Variants in ARHGEF33 observed in about 807,000 individuals in gnomAD.
ARHGEF33 encodes the protein Rho guanine nucleotide exchange factor 33.
A neutral mutation model predicts 101.9 loss-of-function variants in ARHGEF33; 72 were observed. The observed-to-expected ratio is 0.71, with a 90% CI of 0.58 to 0.86. ARHGEF33 has a LOEUF of 0.86. Ranked by LOEUF, ARHGEF33 falls within the 40% of genes least tolerant of loss-of-function variation. ARHGEF33 has a pLI of 0.00. For missense variants in ARHGEF33, 1,169 were observed against 1,111.3 expected (o/e 1.05, Z -0.74); for synonymous variants, 499 against 442.5 (o/e 1.13, Z -1.60).
intron 15 of ARHGEF33, among the ~76,000 whole-genome samples, chr2:38,958,994 C>T (rs1166672431): frequency 6.6e-6 from 1 of 152,270 alleles, no homozygotes; most frequent in Non-Finnish European, 1.5e-5. Flanking sequence ...ATCCGTCTGC[C>T]TCGGCCTCCC....
At chr2:38,932,007 A>G (rs951262057) in intron 7 of ARHGEF33, among the ~76,000 whole-genome samples, 1 of 152,226 alleles carries the variant, frequency 6.6e-6, no homozygotes, top group Non-Finnish European at 1.5e-5. Context: ...GAATGGAACA[A>G]TTAGGTTTAT....
In ARHGEF33 at chr2:38,973,815, A is replaced by G; in HGVS notation, c.2585A>G (p.Asn862Ser). The G allele has an allele frequency of 3.9e-6, 6 of 1,549,042 alleles. No homozygotes were observed. Among genetic ancestry groups the G allele is most frequent in the Non-Finnish European group, 5.2e-6 (6 of 1,146,070 alleles). The part of the protein sequence containing the change: ...DFFRNRLALA[N>S]DLDQGTAV Reference sequence around the variant, plus strand: ...TTCAGAAACCGACTTGCTCTTGCAAATGACCTTGACCAAGGAACAGCTGTG... The same window carrying G: ...TTCAGAAACCGACTTGCTCTTGCAAGTGACCTTGACCAAGGAACAGCTGTG... The change falls in exon 18 of 18, where the codon AAT becomes AGT. Residue 862 changes from asparagine (N) to serine (S), a missense_variant. Asn to Ser is a conservative substitution (Grantham distance 46). Coordinates refer to ENST00000409978, the MANE Select transcript of ARHGEF33 (RefSeq NM_001145451.5).
At chr2:38,905,629 C>T (rs1490290710) in intron 2 of ARHGEF33, among the ~76,000 whole-genome samples, 1 of 152,158 alleles carries the variant, frequency 6.6e-6, no homozygotes, top group Non-Finnish European at 1.5e-5. Context: ...CAGCAGGTGC[C>T]CTGCCTTCCT....
chr2:38,906,938 A>G (rs1244362081), intron 2 of ARHGEF33, among the ~76,000 whole-genome samples: 1 of 152,074 alleles, frequency 6.6e-6, no homozygotes, highest in Non-Finnish European at 1.5e-5. Flanking sequence ...TGACAGAATG[A>G]GACCCCCTGT....
intron 2 of ARHGEF33, among the ~76,000 whole-genome samples, chr2:38,908,008 G>A (rs1666430596): frequency 6.6e-6 from 1 of 151,414 alleles, no homozygotes. Context: ...ACAGGTGCAT[G>A]CCAACATGCC....
chr2:38,941,129 T>C (rs1217004078), intron 9 of ARHGEF33, among the ~76,000 whole-genome samples: 3 of 152,142 alleles, frequency 2.0e-5, no homozygotes, highest in Admixed American at 2.0e-4. Flanking sequence ...CTTAGTGTAA[T>C]TCATAATATG....
chr2:38,960,443 C>G lies in ARHGEF33; in HGVS notation c.2138C>G (p.Pro713Arg). The change falls in exon 16 of 18, where the codon CCG (proline) becomes CGG (arginine). Residue 713 changes from proline to arginine, a missense_variant. Coordinates refer to ENST00000409978, the MANE Select transcript of ARHGEF33 (RefSeq NM_001145451.5). Reference protein sequence around the residue: ...KPLSRSLKEFPRAPPADGVAP... With the variant: ...KPLSRSLKEFRRAPPADGVAP... Reference sequence around the variant, plus strand: ...CTGAGCCGCTCTCTCAAAGAGTTCCCGCGTGCGCCGCCAGCCGACGGCGTG... The same window carrying G: ...CTGAGCCGCTCTCTCAAAGAGTTCCGGCGTGCGCCGCCAGCCGACGGCGTG... The G allele has an allele frequency of 6.7e-7, 1 of 1,496,910 alleles. No homozygotes were observed. Among genetic ancestry groups the G allele is most frequent in the South Asian group, 1.3e-5 (1 of 79,310 alleles). The allele number at this position is 1,496,910 out of a possible 1,614,324, so 92.7% of individuals were successfully genotyped here. A position where few individuals can be genotyped will look rare whatever the true frequency, so the allele number is the denominator to read the frequency against.
intron 2 of ARHGEF33, among the ~76,000 whole-genome samples, chr2:38,899,916 C>T (rs992042981): frequency 2.6e-5 from 4 of 151,954 alleles, no homozygotes; most frequent in Non-Finnish European, 5.9e-5. Context: ...CAGCTGGGCA[C>T]GGTGGGTCAT....
chr2:38,963,963 G>T (rs1226162645), intron 16 of ARHGEF33, among the ~76,000 whole-genome samples: 3 of 152,208 alleles, frequency 2.0e-5, no homozygotes, highest in East Asian at 1.9e-4. Flanking sequence ...CTTTATTTCT[G>T]TTATTATTAC....
intron 10 of ARHGEF33, among the ~76,000 whole-genome samples, chr2:38,946,072 C>T (rs979925824): frequency 6.6e-6 from 1 of 152,176 alleles, no homozygotes; most frequent in African/African-American, 2.4e-5. Flanking sequence ...TCAGTCTTCC[C>T]TCTTGAACAG....
At chr2:38,924,368 A>G (rs1049178547) in intron 4 of ARHGEF33, among the ~76,000 whole-genome samples, 13 of 152,160 alleles carry the variant, frequency 8.5e-5, no homozygotes, top group Admixed American at 1.3e-4. Context: ...AAGTCGTTGA[A>G]TCAGAGCTCT....
chr2:38,946,233 T>C (rs1214717342), intron 10 of ARHGEF33, among the ~76,000 whole-genome samples: 3 of 152,200 alleles, frequency 2.0e-5, no homozygotes, highest in Middle Eastern at 3.2e-3. Context: ...AAGGCCCTTA[T>C]TGACTTGCTG....
chr2:38,952,358 G>A (rs1388324644), intron 11 of ARHGEF33, among the ~76,000 whole-genome samples: 4 of 152,230 alleles, frequency 2.6e-5, no homozygotes, highest in African/African-American at 9.6e-5. Flanking sequence ...AACTTTAGAA[G>A]CTGAGAATGA....
chr2:38,946,456 C>T (rs537937888), intron 10 of ARHGEF33, among the ~76,000 whole-genome samples: 3 of 152,294 alleles, frequency 2.0e-5, no homozygotes, highest in South Asian at 4.1e-4. Context: ...ATGGACCAAG[C>T]AGAGAAAAGC....
At chr2:38,909,452 G>C (rs1017701943) in intron 2 of ARHGEF33, among the ~76,000 whole-genome samples, 1 of 150,938 alleles carries the variant, frequency 6.6e-6, no homozygotes, top group East Asian at 1.9e-4. Flanking sequence ...CTTCCAAGTG[G>C]CTGGAATTAC....
chr2:38,926,073 T>G (rs1353929197), intron 4 of ARHGEF33, among the ~76,000 whole-genome samples: 4 of 152,180 alleles, frequency 2.6e-5, no homozygotes, highest in African/African-American at 4.8e-5. Context: ...GAATTCGGAC[T>G]CCTCTCCCCT....
At chr2:38,956,415 A>T (rs897927318) in intron 13 of ARHGEF33, among the ~76,000 whole-genome samples, 9 of 152,236 alleles carry the variant, frequency 5.9e-5, no homozygotes, top group African/African-American at 1.9e-4. Context: ...AGTACTCGAT[A>T]CATTTTAGCT....
intron 2 of ARHGEF33, among the ~76,000 whole-genome samples, chr2:38,908,778 C>G (rs1666448725): frequency 6.6e-6 from 1 of 152,146 alleles, no homozygotes; most frequent in Admixed American, 6.5e-5. Context: ...ACTAGGAGAG[C>G]CTGCTCTTTC....
chr2:38,942,439 C>T (rs543615040), intron 9 of ARHGEF33, among the ~76,000 whole-genome samples: 31 of 147,356 alleles, frequency 2.1e-4, no homozygotes, highest in Middle Eastern at 3.9e-3. Context: ...GGATTACAGG[C>T]GTGAGCCACC....
Sources: allele counts gnomAD v4.1 joint callset (sites outside exome capture counted in the v4.1 genomes callset), GRCh38; gene constraint gnomAD v4.1.1; transcripts MANE v1.5; gene names NCBI Gene and HGNC (gene_info 2026-07-23, HGNC 2026-07-21).